Variants in DAPK1 observed in about 807,000 individuals in gnomAD.
DAPK1 encodes the protein death-associated protein kinase 1.
In DAPK1, 56 loss-of-function variants were observed where a neutral mutation model predicts 144.9. That is an observed-to-expected ratio of 0.39 (90% CI 0.31 to 0.48). The LOEUF (loss-of-function observed/expected upper bound fraction) is 0.48. Among genes scored for constraint, DAPK1 ranks in the 20% least tolerant of loss-of-function variants. DAPK1 has a pLI of 0.95. For synonymous variants in DAPK1, 690 were observed against 749.0 expected (o/e 0.92, Z 1.29); for missense variants, 1,454 against 1,875.4 (o/e 0.78, Z 4.15).
chr9:87,525,267 T>C lies in DAPK1; in HGVS notation c.62+26128T>C. The C allele has an allele frequency of 4.0e-6, 6 of 1,514,486 alleles. No homozygotes were observed. The Admixed American group carries it at 5.0e-5, about 13-fold the overall frequency. The allele number at this position is 1,514,486 out of a possible 1,614,324, so 93.8% of individuals were successfully genotyped here. On this transcript the variant is annotated intron_variant, in intron 2 of 25. Coordinates refer to ENST00000408954, the MANE Select transcript of DAPK1 (RefSeq NM_004938.4). ...CCTAAAAAATGCGTTGAATAGAGCT[T>C]CTTGCTTTTACCTCGTTGCACTCCT...
chr9:87,640,787 C>T lies in DAPK1; in HGVS notation c.783-15C>T, dbSNP rs757590101. On this transcript the variant is annotated splice_polypyrimidine_tract_variant and intron_variant, in intron 8 of 25. Transcript: ENST00000408954. Reference sequence around the variant, plus strand: ...ATGGTCACAGCATTTTTTTTCTTCTCCCCCTCCCCTCAAGGAAGAGAATGA... The same window carrying T: ...ATGGTCACAGCATTTTTTTTCTTCTTCCCCTCCCCTCAAGGAAGAGAATGA... 2.5e-6 allele frequency: 4 copies of T among 1,613,452 alleles called. No homozygotes were observed. The highest frequency in any genetic ancestry group is 1.1e-5 in the South Asian group (1 of 91,010).
chr9:87,587,403 C>T (rs1827973638), intron 2 of DAPK1, among the ~76,000 whole-genome samples: 1 of 152,212 alleles, frequency 6.6e-6, no homozygotes, highest in Admixed American at 6.5e-5. Context: ...TGATCAGAGC[C>T]TCAAAGTCAG....
intron 19 of DAPK1, among the ~76,000 whole-genome samples, chr9:87,678,588 G>A (rs1443462569): frequency 2.0e-5 from 3 of 152,338 alleles, no homozygotes; most frequent in Middle Eastern, 3.4e-3. Flanking sequence ...AGCAGCATTC[G>A]TGGATAACTC....
rs768041728 is a variant in DAPK1, at chr9:87,706,154, C to T, written c.3083C>T (p.Thr1028Ile). ...TGEINIMQSE[T>I]VQDVLLLDPR... is the part of the protein sequence containing the mutation. ...CAGATCAACATCATGCAAAGTGAAA[C>T]AGTTCAGGACGTGCTGCTCCTGGAC... Residue 1028 changes from threonine (T) to isoleucine (I), a missense_variant, in exon 26 of 26, where the codon ACA (threonine) becomes ATA (isoleucine). Around this residue, in one of 2 missense-constraint regions of DAPK1, gnomAD observed 1,025 missense variants for 1,237.9 expected, o/e 0.83. Coordinates refer to ENST00000408954, the MANE Select transcript of DAPK1 (RefSeq NM_004938.4). The surrounding 1 kb of genome is among the most constrained non-coding windows in gnomAD (Gnocchi z 9.0). The T allele has an allele frequency of 5.6e-6, 9 of 1,597,252 alleles. No homozygotes were observed. The highest frequency in any genetic ancestry group is 6.9e-6 in the Non-Finnish European group (8 of 1,167,142).
At chr9:87,599,832 G>A (rs902436308) in intron 2 of DAPK1, among the ~76,000 whole-genome samples, 2 of 152,186 alleles carry the variant, frequency 1.3e-5, no homozygotes, top group African/African-American at 4.8e-5. Flanking sequence ...ACCTTCTTGT[G>A]AGTCTCTGGT....
At position 87,668,658 on chromosome 9, in the gene DAPK1, T is replaced by G; in HGVS notation, c.1985T>G (p.Leu662Arg). 7.4e-7 allele frequency: 1 copy of G among 1,358,428 alleles called. No homozygotes were observed. The highest frequency in any genetic ancestry group is 1.1e-6 in the Non-Finnish European group (1 of 946,300). The allele number at this position is 1,358,428 out of a possible 1,614,324, so 84.1% of individuals were successfully genotyped here. The stretch of plus-strand genomic sequence containing the variant: ...CAGCACGAGCACGTAGCAGGTCTCC[T>G]TGCAAGACTTCGAAAGGTGAGAAGT... ...SEQHEHVAGL[L>R]ARLRKDTHRG... Residue 662 changes from leucine (L) to arginine (R), a missense_variant, in exon 19 of 26, where the codon CTT becomes CGT. Transcript: ENST00000408954.
chr9:87,695,668 A>C (rs1825231954), intron 21 of DAPK1, among the ~76,000 whole-genome samples: 1 of 152,130 alleles, frequency 6.6e-6, no homozygotes, highest in Admixed American at 6.6e-5. Flanking sequence ...GTGTAGGCAG[A>C]ACTGCTGAGC....
chr9:87,663,538 G>A (rs576800407), intron 18 of DAPK1, among the ~76,000 whole-genome samples: 4 of 152,192 alleles, frequency 2.6e-5, no homozygotes, highest in African/African-American at 9.6e-5. Flanking sequence ...CCCCAGGACT[G>A]GGCACCCTTG....
At chr9:87,508,139 G>A (rs548381002) in intron 2 of DAPK1, among the ~76,000 whole-genome samples, 6 of 151,936 alleles carry the variant, frequency 3.9e-5, no homozygotes, top group African/African-American at 1.4e-4. Context: ...AGCCTCCTGA[G>A]TAGCTGGGAC....
chr9:87,663,900 A>G (rs1830957685), intron 18 of DAPK1, among the ~76,000 whole-genome samples: 1 of 151,208 alleles, frequency 6.6e-6, no homozygotes, highest in South Asian at 2.1e-4. Flanking sequence ...CTCCTCACCT[A>G]TTTGCATCTA....
chr9:87,540,801 G>A (rs904551234), intron 2 of DAPK1, among the ~76,000 whole-genome samples: 3 of 152,074 alleles, frequency 2.0e-5, no homozygotes, highest in African/African-American at 7.2e-5. Flanking sequence ...TGTCTCTTAA[G>A]GGAACCTGCA....
At chr9:87,627,627 T>G (rs945658313) in intron 3 of DAPK1, among the ~76,000 whole-genome samples, 3 of 152,168 alleles carry the variant, frequency 2.0e-5, no homozygotes, top group African/African-American at 7.2e-5. Context: ...CTTACCTGTT[T>G]CCTGTCTAAG....
At chr9:87,694,192 G>A (rs1367304239) in intron 21 of DAPK1, among the ~76,000 whole-genome samples, 1 of 152,198 alleles carries the variant, frequency 6.6e-6, no homozygotes, top group African/African-American at 2.4e-5. Context: ...AATCTGTGCT[G>A]ATGTTGGCAG....
At chr9:87,534,650 C>T (rs1413408819) in intron 2 of DAPK1, among the ~76,000 whole-genome samples, 6 of 145,396 alleles carry the variant, frequency 4.1e-5, no homozygotes, top group African/African-American at 5.1e-5. Context: ...GATTTCTTTT[C>T]TTTTTTTTTT....
At chr9:87,592,736 C>T (rs770422395) in intron 2 of DAPK1, among the ~76,000 whole-genome samples, 2 of 152,106 alleles carry the variant, frequency 1.3e-5, no homozygotes, top group Non-Finnish European at 2.9e-5. Context: ...GGGAGTTCTG[C>T]TTCCACTGAG....
intron 2 of DAPK1, among the ~76,000 whole-genome samples, chr9:87,596,219 G>A (rs1242725705): frequency 6.6e-6 from 1 of 152,174 alleles, no homozygotes; most frequent in Non-Finnish European, 1.5e-5. Context: ...AAGGTGCAGG[G>A]AGAGTGTTTC....
At chr9:87,538,973 T>G (rs1445556749) in intron 2 of DAPK1, among the ~76,000 whole-genome samples, 1 of 149,928 alleles carries the variant, frequency 6.7e-6, no homozygotes, top group African/African-American at 2.4e-5. Flanking sequence ...AAAATATATC[T>G]TAAAATATTT....
chr9:87,504,140 C>CT (rs1221196554), intron 2 of DAPK1, among the ~76,000 whole-genome samples: 5 of 152,044 alleles, frequency 3.3e-5, no homozygotes, highest in African/African-American at 1.2e-4. Flanking sequence ...TTTCTGCATC[C>CT]TTATAGGACT....
intron 2 of DAPK1, among the ~76,000 whole-genome samples, chr9:87,535,832 GA>G (rs1278766271): frequency 6.6e-6 from 1 of 152,088 alleles, no homozygotes; most frequent in Non-Finnish European, 1.5e-5. Flanking sequence ...TGTAAGAGGG[GA>G]AAAAAAGGTG....
Sources: gnomAD v4.1 joint callset for allele counts (sites outside exome capture counted in the v4.1 genomes callset) on GRCh38, gnomAD v4.1.1 for gene constraint, gnomAD v4.1.1 regional missense constraint, Gnocchi (gnomAD v3.1) non-coding constraint, MANE v1.5 for transcripts, NCBI Gene and HGNC (gene_info 2026-07-23, HGNC 2026-07-21) for gene names.